MYO1D: variants seen among roughly 807,000 people sequenced by gnomAD.
MYO1D encodes myosin ID, also known as unconventional myosin-Id.
MYO1D carries 83 observed loss-of-function variants against 122.0 expected under a neutral mutation model. The observed-to-expected ratio is 0.68, with a 90% confidence interval of 0.57 to 0.82. The LOEUF (loss-of-function observed/expected upper bound fraction) is 0.82, where lower values mean the gene tolerates loss of function less well. MYO1D is among the 40% of genes least tolerant of loss of function. MYO1D has a pLI of 0.00. For synonymous variants in MYO1D, 464 were observed against 446.9 expected (o/e 1.04, Z -0.48); for missense variants, 1,157 against 1,269.5 (o/e 0.91, Z 1.35).
At chr17:32,562,005 T>TC (rs2087130521) in intron 21 of MYO1D, among the ~76,000 whole-genome samples, 1 of 151,462 alleles carries the variant, frequency 6.6e-6, no homozygotes, top group Admixed American at 6.6e-5. Flanking sequence ...TCTTTTTTTT[T>TC]TGGAGACAGG....
intron 1 of MYO1D, among the ~76,000 whole-genome samples, chr17:32,864,007 C>CTATTTTTTT (rs2091100908): frequency 2.0e-5 from 1 of 48,960 alleles, no homozygotes; most frequent in African/African-American, 1.0e-4. Context: ...ACATTTCTTC[C>CTATTTTTTT]TTTTTTTTTT....
At chr17:32,759,368 T>C (rs189326510) in intron 10 of MYO1D, among the ~76,000 whole-genome samples, 154 of 152,170 alleles carry the variant, frequency 1.0e-3, no homozygotes, top group African/African-American at 3.6e-3. Flanking sequence ...TGAGAGGAAA[T>C]AGAAAATAGG....
intron 1 of MYO1D, among the ~76,000 whole-genome samples, chr17:32,821,391 G>T (rs1052929292): frequency 7.2e-5 from 11 of 152,168 alleles, no homozygotes; most frequent in Admixed American, 5.9e-4. Flanking sequence ...CTAAAATAAA[G>T]AAATGAATGA....
At chr17:32,778,687 G>A in intron 2 of MYO1D, 114 bp from the exon 3 acceptor site, 3 of 958,080 alleles carry the variant, frequency 3.1e-6, no homozygotes, top group Non-Finnish European at 4.7e-6. Context: ...AATCCCACAT[G>A]TTGCACTGTT....
intron 21 of MYO1D, chr17:32,504,747 C>CTG (rs1909437180): frequency 6.6e-6 from 1 of 152,282 alleles, no homozygotes; most frequent in Non-Finnish European, 1.5e-5. Flanking sequence ...TCTTTTCAGC[C>CTG]ACTTCCTAGA....
intron 21 of MYO1D, among the ~76,000 whole-genome samples, chr17:32,595,476 TAAAA>T (rs1216225761): frequency 6.6e-6 from 1 of 151,988 alleles, no homozygotes; most frequent in Non-Finnish European, 1.5e-5. Context: ...AAAAATAACT[TAAAA>T]AAAGGAAAAG....
chr17:32,582,259 A>G (rs951397061), intron 21 of MYO1D, among the ~76,000 whole-genome samples: 2 of 152,118 alleles, frequency 1.3e-5, no homozygotes, highest in African/African-American at 4.8e-5. Flanking sequence ...TTGATTTGAG[A>G]CTTTTAAAAT....
At chr17:32,494,979 G>T in intron 21 of MYO1D, 64 bp from the exon 22 acceptor site, 1 of 1,477,758 alleles carries the variant, frequency 6.8e-7, no homozygotes, top group South Asian at 1.3e-5. Context: ...GCACCTGCCC[G>T]GCAGCTCCCG....
intron 1 of MYO1D, among the ~76,000 whole-genome samples, chr17:32,800,607 G>A (rs1436655623): frequency 6.6e-6 from 1 of 152,206 alleles, no homozygotes; most frequent in Admixed American, 6.5e-5. Flanking sequence ...GTTTCAGCTA[G>A]AGAGGAGGAA....
intron 21 of MYO1D, among the ~76,000 whole-genome samples, chr17:32,500,859 A>G (rs992282203): frequency 1.3e-5 from 2 of 150,156 alleles, no homozygotes; most frequent in Non-Finnish European, 2.9e-5. Flanking sequence ...ACACAAAAAA[A>G]TTAGCCGGGC....
intron 1 of MYO1D, among the ~76,000 whole-genome samples, chr17:32,860,753 G>A (rs985074043): frequency 6.6e-6 from 1 of 152,186 alleles, no homozygotes; most frequent in Non-Finnish European, 1.5e-5. Context: ...TGTGCCACTA[G>A]ACTAGTAAAA....
At chr17:32,777,101 G>C (rs1468579139) in intron 3 of MYO1D, among the ~76,000 whole-genome samples, 1 of 152,046 alleles carries the variant, frequency 6.6e-6, no homozygotes, top group Admixed American at 6.6e-5. Context: ...ACTATTGTAG[G>C]TGTGAAATTA....
intron 21 of MYO1D, among the ~76,000 whole-genome samples, chr17:32,554,661 G>A (rs917540155): frequency 6.6e-6 from 1 of 152,100 alleles, no homozygotes; most frequent in East Asian, 1.9e-4. Flanking sequence ...GAAAGTATCT[G>A]CAAGTAGTGT....
chr17:32,676,295 C>G (rs2088807650), intron 16 of MYO1D, among the ~76,000 whole-genome samples: 1 of 150,230 alleles, frequency 6.7e-6, no homozygotes, highest in Admixed American at 6.6e-5. Context: ...TAGGGTTATT[C>G]AACTTTTAAA....
chr17:32,534,651 G>A (rs1411213711), intron 21 of MYO1D, among the ~76,000 whole-genome samples: 5 of 152,154 alleles, frequency 3.3e-5, no homozygotes, highest in South Asian at 2.1e-4. Context: ...TGCAAAGGGC[G>A]AAGTACAAAA....
At chr17:32,603,712 A>G (rs1019409141) in intron 21 of MYO1D, among the ~76,000 whole-genome samples, 4 of 151,774 alleles carry the variant, frequency 2.6e-5, no homozygotes, top group Non-Finnish European at 4.4e-5. Context: ...TTTTTAGTAG[A>G]GACGGGGTTT....
chr17:32,781,279 G>A (rs923789835), intron 1 of MYO1D, among the ~76,000 whole-genome samples: 19 of 152,166 alleles, frequency 1.2e-4, no homozygotes, highest in Non-Finnish European at 1.8e-4. Flanking sequence ...GAATGGTGGA[G>A]GAGACACTTC....
Position 32,745,589 on chromosome 17 carries a change from C to G in MYO1D, c.1539-304G>C, listed in dbSNP as rs561462970. On this transcript the variant is annotated intron_variant, in intron 12 of 21. Coordinates refer to ENST00000318217, the MANE Select transcript of MYO1D (RefSeq NM_015194.3). ...CAGCATTCCTAAGATAAAAGCAAAA[C>G]AGCAACATACAGGAACTAACAGTCT... is the stretch of plus-strand genomic sequence containing the variant. The G allele has an allele frequency of 3.1e-5, 8 of 256,164 alleles. No individual in the cohort carries two copies. The East Asian group carries it at 6.8e-4, about 22-fold the overall frequency. 15.9% of individuals were successfully genotyped at this position (256,164 alleles called of 1,614,324 possible). A position where few individuals can be genotyped will look rare whatever the true frequency, so the allele number is the denominator to read the frequency against.
chr17:32,706,376 G>C (rs1381765879), intron 16 of MYO1D, among the ~76,000 whole-genome samples: 1 of 152,142 alleles, frequency 6.6e-6, no homozygotes, highest in Non-Finnish European at 1.5e-5. Flanking sequence ...CCAAAGTGCT[G>C]GGATTATAGG....
Sources: allele counts gnomAD v4.1 joint callset (sites outside exome capture counted in the v4.1 genomes callset), GRCh38; gene constraint gnomAD v4.1.1; transcripts MANE v1.5; gene names NCBI Gene and HGNC (gene_info 2026-07-23, HGNC 2026-07-21).